Variants in ABCD3 observed in about 807,000 individuals in gnomAD.
The protein encoded by ABCD3 is ATP-binding cassette sub-family D member 3.
ABCD3 carries 41 observed loss-of-function variants against 105.5 expected under a neutral mutation model. That is an observed-to-expected ratio of 0.39 (90% CI 0.30 to 0.50). ABCD3 has a LOEUF of 0.50. Ranked by LOEUF, ABCD3 falls within the 20% of genes least tolerant of loss-of-function variation. The probability of loss-of-function intolerance (pLI) is 0.84; values close to 1 mark genes in which losing one functional copy is unlikely to be tolerated. For synonymous variants in ABCD3, 258 were observed against 269.0 expected (o/e 0.96, Z 0.40); for missense variants, 622 against 806.3 (o/e 0.77, Z 2.77).
At chr1:94,462,196 T>A (rs937466897) in intron 2 of ABCD3, among the ~76,000 whole-genome samples, 6 of 152,190 alleles carry the variant, frequency 3.9e-5, no homozygotes, top group African/African-American at 9.6e-5. Flanking sequence ...GTCTTTTTTT[T>A]ATATTTAAAA....
intron 21 of ABCD3, among the ~76,000 whole-genome samples, chr1:94,511,155 C>T (rs1157656445): frequency 2.0e-5 from 3 of 151,962 alleles, no homozygotes; most frequent in African/African-American, 7.3e-5. Flanking sequence ...ATGTTTAGTG[C>T]TTCCTTCAGG....
chr1:94,419,930 T>C (rs1235549744), intron 1 of ABCD3, among the ~76,000 whole-genome samples: 1 of 152,200 alleles, frequency 6.6e-6, no homozygotes, highest in East Asian at 1.9e-4. Context: ...TTGTATGAAC[T>C]CCCAGTTGCA....
At chr1:94,431,533 A>C (rs569584594) in intron 1 of ABCD3, among the ~76,000 whole-genome samples, 96 of 152,252 alleles carry the variant, frequency 6.3e-4, no homozygotes, top group Admixed American at 9.8e-4. Context: ...AAACCAACAA[A>C]CATTCCCTGA....
intron 20 of ABCD3, among the ~76,000 whole-genome samples, chr1:94,503,407 T>C (rs1178707048): frequency 6.6e-6 from 1 of 152,170 alleles, no homozygotes; most frequent in Non-Finnish European, 1.5e-5. Context: ...TTGGAGGATA[T>C]GTCATCCTTC....
intron 1 of ABCD3, among the ~76,000 whole-genome samples, chr1:94,435,335 T>C (rs1159883960): frequency 2.0e-5 from 3 of 151,858 alleles, no homozygotes; most frequent in Non-Finnish European, 4.4e-5. Flanking sequence ...AGCCCAGGAG[T>C]TTGAGACCAG....
Position 94,464,810 on chromosome 1 carries a change from G to C in ABCD3, c.183G>C (p.Lys61Asn). The change falls in exon 3 of 23, where the codon AAG (lysine) becomes AAC (asparagine). Residue 61 changes from lysine to asparagine, a missense_variant. Coordinates refer to ENST00000370214, the MANE Select transcript of ABCD3 (RefSeq NM_002858.4). ...AAAAGGAGCGAGCTGTGGTGGACAAGGTGTTTTTCTCAAGGCTCATACAGA... is the reference window on the plus strand; with the variant it reads ...AAAAGGAGCGAGCTGTGGTGGACAACGTGTTTTTCTCAAGGCTCATACAGA... Reference protein sequence around the residue: ...EGKKERAVVDKVFFSRLIQIL... With the variant: ...EGKKERAVVDNVFFSRLIQIL... 1 of 1,613,738 alleles carries C rather than the reference G, an allele frequency of 6.2e-7. No homozygotes were observed. Among genetic ancestry groups the C allele is most frequent in the Non-Finnish European group, 8.5e-7 (1 of 1,179,924 alleles).
chr1:94,510,892 C>T (rs1182168961), intron 21 of ABCD3, among the ~76,000 whole-genome samples: 5 of 152,090 alleles, frequency 3.3e-5, no homozygotes, highest in African/African-American at 7.2e-5. Context: ...TGTCTCTGCA[C>T]GTGAGATGGG....
chr1:94,412,828 A>G, the ABCD3 span, among the ~76,000 whole-genome samples: 4 of 152,180 alleles, frequency 2.6e-5, no homozygotes, highest in South Asian at 4.1e-4. Flanking sequence ...TTTATTTTGT[A>G]TCTCTATGAT....
chr1:94,410,902 T>A, the ABCD3 span, among the ~76,000 whole-genome samples: 1 of 152,202 alleles, frequency 6.6e-6, no homozygotes, highest in Non-Finnish European at 1.5e-5. Flanking sequence ...GTTCAACAAA[T>A]GATGCTGGGA....
At chr1:94,426,636 G>A (rs1400673623) in intron 1 of ABCD3, among the ~76,000 whole-genome samples, 3 of 151,384 alleles carry the variant, frequency 2.0e-5, no homozygotes, top group Non-Finnish European at 4.4e-5. Flanking sequence ...TCCGACTCCC[G>A]GGTTCAAGTG....
At chr1:94,416,265 G>A (rs530941724), upstream of ABCD3, among the ~76,000 whole-genome samples, 28 of 152,152 alleles carry the variant, frequency 1.8e-4, no homozygotes, top group African/African-American at 6.5e-4. Flanking sequence ...TGACTCCTGC[G>A]GTCCTTTAGA....
At chr1:94,509,338 C>A (rs1372520351) in intron 21 of ABCD3, among the ~76,000 whole-genome samples, 1 of 152,148 alleles carries the variant, frequency 6.6e-6, no homozygotes, top group East Asian at 1.9e-4. Context: ...GGATGAAGCC[C>A]AGTTGATCAT....
chr1:94,497,644 G>A lies in ABCD3; in HGVS notation c.1387-958G>A, dbSNP rs544215842. Among the ~76,000 whole-genome samples, 5 of 152,228 alleles carry A rather than the reference G, an allele frequency of 3.3e-5. No individual in the cohort carries two copies. In the South Asian group the frequency reaches 1.0e-3, roughly 32 times the overall value. The stretch of plus-strand genomic sequence containing the variant: ...TTAGTGACACTTGTATATATTTATA[G>A]TGCACATATATTTTGATAAAACACT... On this transcript the variant is annotated intron_variant, in intron 16 of 22. Coordinates refer to ENST00000370214, the MANE Select transcript of ABCD3 (RefSeq NM_002858.4).
chr1:94,412,377 C>T, the ABCD3 span, among the ~76,000 whole-genome samples: 2 of 152,214 alleles, frequency 1.3e-5, no homozygotes, highest in Non-Finnish European at 2.9e-5. Flanking sequence ...CCACTAGCTC[C>T]GTTTACAAAT....
At chr1:94,443,862 G>C (rs532589807) in intron 1 of ABCD3, among the ~76,000 whole-genome samples, 2 of 152,222 alleles carry the variant, frequency 1.3e-5, no homozygotes, top group South Asian at 4.1e-4. Context: ...TTGGGATTTT[G>C]GTGGAGATTG....
Position 94,461,543 on chromosome 1 carries a change from A to G in ABCD3, c.147+2900A>G, listed in dbSNP as rs1647868465. On this transcript the variant is annotated intron_variant, in intron 2 of 22. Coordinates refer to ENST00000370214, the MANE Select transcript of ABCD3 (RefSeq NM_002858.4). ...AAAGTTTCATAAATTCATGTGTAAA[A>G]TGAATTGCATGTATCATTCTAATTT... Among the ~76,000 whole-genome samples the G allele has an allele frequency of 2.0e-5, 3 of 152,228 alleles. No homozygotes were observed. The South Asian group carries it at 6.2e-4, about 32-fold the overall frequency.
chr1:94,441,926 A>C, intron 1 of ABCD3, among the ~76,000 whole-genome samples: 1 of 152,128 alleles, frequency 6.6e-6, no homozygotes, highest in East Asian at 1.9e-4. Flanking sequence ...TAATCAGAGA[A>C]ATTGGAATAA....
At chr1:94,406,346 T>G in the ABCD3 span, 11 of 220,326 alleles carry the variant, frequency 5.0e-5, no homozygotes, top group Admixed American at 2.2e-4. Flanking sequence ...TTTTGTTTTT[T>G]TTTTTTTTTT....
the ABCD3 span, among the ~76,000 whole-genome samples, chr1:94,387,194 C>T: frequency 6.6e-6 from 1 of 152,284 alleles, no homozygotes; most frequent in African/African-American, 2.4e-5. Flanking sequence ...GGTGTGTGTT[C>T]TGACTCTGCC....
Sources: gnomAD v4.1 joint callset for allele counts (sites outside exome capture counted in the v4.1 genomes callset) on GRCh38, gnomAD v4.1.1 for gene constraint, MANE v1.5 for transcripts, NCBI Gene and HGNC (gene_info 2026-07-23, HGNC 2026-07-21) for gene names.